The following NRXN3 variants were observed in gnomAD, a reference collection of about 807,000 sequenced individuals.
NRXN3 encodes neurexin 3.
Under a neutral mutation model 137.6 loss-of-function variants are expected in NRXN3, and 32 were observed. The observed-to-expected ratio is 0.23, with a 90% CI of 0.18 to 0.31. The LOEUF (loss-of-function observed/expected upper bound fraction) is 0.31, where lower values mean the gene tolerates loss of function less well. NRXN3 is among the 10% of genes least tolerant of loss of function. The pLI is 1.00. For missense variants in NRXN3, 1,574 were observed against 2,062.5 expected (o/e 0.76, Z 4.59); for synonymous variants, 798 against 784.5 (o/e 1.02, Z -0.29).
intron 5 of NRXN3, among the ~76,000 whole-genome samples, chr14:78,647,943 T>A (rs757822884): frequency 4.6e-5 from 7 of 152,220 alleles, no homozygotes; most frequent in African/African-American, 1.7e-4. Flanking sequence ...TTCATATTTT[T>A]GGTAAGATTG....
intron 12 of NRXN3, among the ~76,000 whole-genome samples, chr14:78,966,846 C>A (rs559156791): frequency 0.018 from 2,717 of 152,202 alleles, 74 homozygotes; most frequent in African/African-American, 0.061. Context: ...ATTTTACTAC[C>A]ATGTATTAGA....
intron 15 of NRXN3, among the ~76,000 whole-genome samples, chr14:79,197,825 T>C (rs1266115846): frequency 6.6e-6 from 1 of 152,202 alleles, no homozygotes; most frequent in African/African-American, 2.4e-5. Context: ...TGCGATGCTA[T>C]TTGATAGCAT....
intron 10 of NRXN3, among the ~76,000 whole-genome samples, chr14:78,942,846 A>G (rs2099355759): frequency 6.6e-6 from 1 of 152,196 alleles, no homozygotes; most frequent in South Asian, 2.1e-4. Context: ...AATATATATT[A>G]TATGTATCAA....
At chr14:79,456,030 T>C (rs372232486) in intron 15 of NRXN3, among the ~76,000 whole-genome samples, 3 of 152,184 alleles carry the variant, frequency 2.0e-5, no homozygotes, top group East Asian at 1.9e-4. Context: ...ACTTGATATA[T>C]AAAGCTGTCT....
chr14:79,378,713 G>A lies in NRXN3; in HGVS notation c.3263-88508G>A, dbSNP rs180777684. On this transcript the variant is annotated intron_variant, in intron 15 of 20. Coordinates refer to ENST00000335750, the MANE Select transcript of NRXN3 (RefSeq NM_001330195.2). ...AGTACCTCACAAAGGTAATGCTAGC[G>A]TTGACCTTAATAAGCATTTAATCAT... is the stretch of plus-strand genomic sequence containing the variant. Among the ~76,000 whole-genome samples the A allele has an allele frequency of 1.1e-4, 16 of 152,190 alleles. No individual in the cohort carries two copies. The East Asian group carries it at 1.7e-3, about 17-fold the overall frequency.
intron 4 of NRXN3, among the ~76,000 whole-genome samples, chr14:78,443,069 A>G (rs746248047): frequency 3.5e-4 from 53 of 152,170 alleles, no homozygotes; most frequent in East Asian, 1.9e-4. Flanking sequence ...TTCCAAATCT[A>G]TTTCCTTTAA....
chr14:79,763,411 T>TCTATATTTATACATTC (rs1568158531), intron 19 of NRXN3, among the ~76,000 whole-genome samples: 2 of 150,836 alleles, frequency 1.3e-5, no homozygotes, highest in Admixed American at 6.6e-5. Flanking sequence ...TTATAATCCT[T>TCTATATTTATACATTC]TGGGTATACA....
At chr14:79,258,706 T>A (rs1301563167) in intron 15 of NRXN3, among the ~76,000 whole-genome samples, 2 of 152,208 alleles carry the variant, frequency 1.3e-5, no homozygotes, top group African/African-American at 4.8e-5. Context: ...CTTGGCTCAT[T>A]GTTGGTGACA....
At chr14:78,778,011 C>T (rs1422114857) in intron 8 of NRXN3, among the ~76,000 whole-genome samples, 1 of 152,166 alleles carries the variant, frequency 6.6e-6, no homozygotes, top group East Asian at 1.9e-4. Flanking sequence ...GATCCGCCCA[C>T]CTCAGCCTCC....
At chr14:78,444,384 G>A (rs915508134) in intron 4 of NRXN3, among the ~76,000 whole-genome samples, 5 of 152,078 alleles carry the variant, frequency 3.3e-5, no homozygotes, top group Non-Finnish European at 5.9e-5. Flanking sequence ...GGCTTTCCTC[G>A]GAGTCCTGGG....
Position 79,367,046 on chromosome 14 carries a change from C to T in NRXN3, c.3263-100175C>T, listed in dbSNP as rs144688809. ...TCACCCAGGCTGGAGTGCAGTGGCGCATTCTTGGCTCACTGCAAGCTCTGC... is the reference window on the plus strand; with the variant it reads ...TCACCCAGGCTGGAGTGCAGTGGCGTATTCTTGGCTCACTGCAAGCTCTGC... On this transcript the variant is annotated intron_variant, in intron 15 of 20. Transcript: ENST00000335750. 5.4e-3 allele frequency among the ~76,000 whole-genome samples: 777 copies of T among 144,150 alleles called. 9 individuals are homozygous for T. The highest frequency in any genetic ancestry group is 9.4e-3 in the Non-Finnish European group (633 of 67,074). 94.6% of individuals were successfully genotyped at this position (144,150 alleles called of 152,430 possible).
intron 15 of NRXN3, among the ~76,000 whole-genome samples, chr14:79,092,719 T>G (rs900063517): frequency 2.0e-5 from 3 of 152,174 alleles, no homozygotes; most frequent in African/African-American, 7.2e-5. Context: ...TACCACAACA[T>G]GATAGCTTGG....
rs200707419 is a variant in NRXN3 at position 79,697,918 on chromosome 14, G to A, written c.3995G>A (p.Arg1332His). 1.0e-4 allele frequency: 165 copies of A among 1,610,778 alleles called. No individual in the cohort carries two copies. In the Middle Eastern group the frequency reaches 4.5e-3, roughly 43 times the overall value. ...TMATTTTRKN[R>H]STASIQPTSD... The stretch of plus-strand genomic sequence containing the variant: ...GCGACTACCACAACCCGTAAGAATC[G>A]CTCTACAGCCAGCATTCAGGTAGGC... Residue 1332 changes from arginine to histidine, a missense_variant, in exon 19 of 21, where the codon CGC (arginine) becomes CAC (histidine). Arg to His is a conservative substitution (Grantham distance 29, BLOSUM62 0). Around this residue, in one of 5 missense-constraint regions of NRXN3, gnomAD observed 320 missense variants for 387.1 expected, o/e 0.83. Coordinates refer to ENST00000335750, the MANE Select transcript of NRXN3 (RefSeq NM_001330195.2).
intron 15 of NRXN3, among the ~76,000 whole-genome samples, chr14:79,146,359 C>T (rs2059302680): frequency 6.6e-6 from 1 of 152,122 alleles, no homozygotes. Flanking sequence ...CTTAAGGAAT[C>T]CTCTGGACTT....
intron 4 of NRXN3, among the ~76,000 whole-genome samples, chr14:78,584,039 A>G (rs1225271415): frequency 1.3e-5 from 2 of 152,170 alleles, no homozygotes; most frequent in Admixed American, 6.5e-5. Flanking sequence ...GATTGAGGAA[A>G]CTGAAACACA....
intron 19 of NRXN3, among the ~76,000 whole-genome samples, chr14:79,777,425 A>G (rs2099100337): frequency 6.6e-6 from 1 of 151,912 alleles, no homozygotes; most frequent in Non-Finnish European, 1.5e-5. Context: ...GAGACTGAAA[A>G]TGTGTTTCAA....
At chr14:79,078,536 T>C (rs1001032209) in intron 15 of NRXN3, among the ~76,000 whole-genome samples, 3 of 152,174 alleles carry the variant, frequency 2.0e-5, no homozygotes, top group Non-Finnish European at 4.4e-5. Context: ...CTAAGTAAGA[T>C]GAAGCTTGTT....
intron 15 of NRXN3, among the ~76,000 whole-genome samples, chr14:79,115,694 A>C (rs1157317768): frequency 6.6e-6 from 1 of 152,206 alleles, no homozygotes. Flanking sequence ...ATTGGAGAAA[A>C]TACTGATCTG....
At chr14:78,757,031 C>T (rs1444970269) in intron 8 of NRXN3, among the ~76,000 whole-genome samples, 1 of 152,144 alleles carries the variant, frequency 6.6e-6, no homozygotes, top group Non-Finnish European at 1.5e-5. Context: ...ACTTGTTACT[C>T]TCATCTGAAT....
Sources: gnomAD v4.1 joint callset for allele counts (sites outside exome capture counted in the v4.1 genomes callset) on GRCh38, gnomAD v4.1.1 for gene constraint, gnomAD v4.1.1 regional missense constraint, MANE v1.5 for transcripts, NCBI Gene and HGNC (gene_info 2026-07-23, HGNC 2026-07-21) for gene names.